The following RHCE variants were observed in gnomAD, a reference collection of about 807,000 sequenced individuals.
RHCE encodes Rh blood group CcEe antigens, also known as blood group Rh(CE) polypeptide.
RHCE carries 22 observed loss-of-function variants against 43.8 expected under a neutral mutation model. That is an observed-to-expected ratio of 0.50 (90% CI 0.36 to 0.72). RHCE has a LOEUF of 0.72. Ranked by LOEUF, RHCE falls within the 30% of genes least tolerant of loss-of-function variation. The probability of loss-of-function intolerance (pLI) is 0.00; values close to 1 mark genes in which losing one functional copy is unlikely to be tolerated. For missense variants in RHCE, 385 were observed against 525.4 expected (o/e 0.73, Z 2.61); for synonymous variants, 156 against 210.7 (o/e 0.74, Z 2.25).
rs990213743 is a variant in RHCE, at chr1:25,408,756, C to T, written c.262G>A (p.Val88Met). Residue 88 changes from valine (V) to methionine (M), a missense_variant, in exon 2 of 10, where the codon GTG becomes ATG. By Grantham distance (21) the Val-to-Met change is conservative. This residue lies in a region of RHCE where 110 missense variants were observed against 192.1 expected (regional missense o/e 0.57). Coordinates refer to ENST00000294413, the MANE Select transcript of RHCE (RefSeq NM_020485.8). ...CCGTCCAGCAGGATTGCCCACTGCA[C>T]ACCAAGCGCCAGCATGAAGAGGTTG... ...AFNLFMLALG[V>M]QWAILLDGFL... 4 of 1,282,284 alleles carry T rather than the reference C, an allele frequency of 3.1e-6. No individual in the cohort carries two copies. The African/African-American group carries it at 4.1e-5, about 13-fold the overall frequency. 79.4% of individuals were successfully genotyped at this position (1,282,284 alleles called of 1,614,324 possible). A position where few individuals can be genotyped will look rare whatever the true frequency, so the allele number is the denominator to read the frequency against.
chr1:25,408,074 G>A lies in RHCE; in HGVS notation c.335+609C>T, dbSNP rs897498463. Among the ~76,000 whole-genome samples the A allele has an allele frequency of 4.4e-4, 54 of 122,788 alleles. 6 individuals carry two copies. Among genetic ancestry groups the A allele is most frequent in the African/African-American group, 1.3e-3 (53 of 39,646 alleles). 80.6% of individuals were successfully genotyped at this position (122,788 alleles called of 152,430 possible). ...AGGCCGAGGCAGGCCGGTCACCTGAGGTCAGGAGTTTGAGACTAGCCTGAC... is the reference window on the plus strand; with the variant it reads ...AGGCCGAGGCAGGCCGGTCACCTGAAGTCAGGAGTTTGAGACTAGCCTGAC... On this transcript the variant is annotated intron_variant, in intron 2 of 9. Coordinates refer to ENST00000294413, the MANE Select transcript of RHCE (RefSeq NM_020485.8).
upstream of RHCE, among the ~76,000 whole-genome samples, chr1:25,421,642 C>G (rs604160): frequency 8.5e-5 from 13 of 152,118 alleles, no homozygotes; most frequent in Admixed American, 3.9e-4. Context: ...ATGAGCTTTA[C>G]GGGGCTTGGG....
At chr1:25,401,870 T>C (rs1021906756) in intron 3 of RHCE, among the ~76,000 whole-genome samples, 2 of 152,070 alleles carry the variant, frequency 1.3e-5, no homozygotes, top group Non-Finnish European at 1.5e-5. Flanking sequence ...ATCTTTTCTT[T>C]TCTTTTTTCT....
intron 1 of RHCE, among the ~76,000 whole-genome samples, chr1:25,411,880 T>C (rs577453681): frequency 2.6e-5 from 4 of 152,158 alleles, no homozygotes; most frequent in Non-Finnish European, 5.9e-5. Flanking sequence ...TTAAACACGA[T>C]TGTTAAAGTG....
At chr1:25,417,883 C>G (rs1252441187) in intron 1 of RHCE, among the ~76,000 whole-genome samples, 2 of 152,190 alleles carry the variant, frequency 1.3e-5, no homozygotes, top group African/African-American at 4.8e-5. Flanking sequence ...TCCCCTGTGC[C>G]CAACACCAGC....
chr1:25,389,885 G>C (rs1198750262), intron 5 of RHCE, among the ~76,000 whole-genome samples: 2 of 152,024 alleles, frequency 1.3e-5, no homozygotes, highest in African/African-American at 4.8e-5. Flanking sequence ...CCTAGGTTTA[G>C]CCTCTGAGCT....
intron 6 of RHCE, among the ~76,000 whole-genome samples, chr1:25,386,938 G>A (rs1276825245): frequency 1.3e-5 from 2 of 152,090 alleles, no homozygotes; most frequent in East Asian, 3.8e-4. Context: ...GGCTGAGGTA[G>A]GAGAATCACT....
At chr1:25,390,966 T>C (rs768116364) in intron 4 of RHCE, 51 bp from the exon 5 acceptor site, 2 of 1,612,986 alleles carry the variant, frequency 1.2e-6, no homozygotes, top group Admixed American at 3.3e-5. Flanking sequence ...GCTCCAAAGG[T>C]CTGAGCCTCG....
At chr1:25,422,189 A>G (rs956464675), upstream of RHCE, among the ~76,000 whole-genome samples, 1 of 152,194 alleles carries the variant, frequency 6.6e-6, no homozygotes, top group African/African-American at 2.4e-5. Context: ...GAAGGAAAAA[A>G]CTGAGACTAA....
At chr1:25,424,051 C>T (rs983021367), upstream of RHCE, among the ~76,000 whole-genome samples, 3 of 152,116 alleles carry the variant, frequency 2.0e-5, no homozygotes, top group African/African-American at 7.2e-5. Context: ...CCCACCACTC[C>T]GTCTTTCACT....
chr1:25,430,160 C>A (rs908568338), exon 1 of RHCE: 1 of 151,978 alleles, frequency 6.6e-6, no homozygotes, highest in Non-Finnish European at 1.5e-5. Flanking sequence ...GGACGTGGAG[C>A]CCGGGCCGCA....
intron 8 of RHCE, among the ~76,000 whole-genome samples, chr1:25,372,199 A>G (rs191141938): frequency 2.0e-5 from 3 of 151,638 alleles, no homozygotes; most frequent in Admixed American, 2.0e-4. Context: ...CAGCAGCCCA[A>G]GCGTTTTGTG....
At chr1:25,416,179 T>C (rs1156802194) in intron 1 of RHCE, among the ~76,000 whole-genome samples, 1 of 152,162 alleles carries the variant, frequency 6.6e-6, no homozygotes, top group Non-Finnish European at 1.5e-5. Context: ...AAGGGAATAT[T>C]GGTCCAATGA....
chr1:25,402,446 A>C, intron 3 of RHCE, 150 bp downstream of exon 3: 1 of 1,016,712 alleles, frequency 9.8e-7, no homozygotes, highest in Non-Finnish European at 1.5e-6. Flanking sequence ...GGCGGGTCTC[A>C]AACTCCTGGC....
chr1:25,379,510 T>A (rs1206109388), intron 7 of RHCE, among the ~76,000 whole-genome samples: 11 of 102,462 alleles, frequency 1.1e-4, no homozygotes, highest in African/African-American at 2.2e-4. Flanking sequence ...TTTTTTTTTT[T>A]TTTTTTTTTT....
chr1:25,404,782 C>T (rs990536107), intron 2 of RHCE, among the ~76,000 whole-genome samples: 25 of 151,900 alleles, frequency 1.6e-4, no homozygotes, highest in Admixed American at 6.6e-4. Context: ...CCCAATGCCT[C>T]TGGAGCCACG....
intron 7 of RHCE, among the ~76,000 whole-genome samples, chr1:25,377,862 G>A (rs1480130466): frequency 3.3e-5 from 5 of 152,162 alleles, no homozygotes; most frequent in Admixed American, 6.6e-5. Context: ...CTGAGATAGC[G>A]CCACTGCATT....
At chr1:25,381,024 C>T (rs1032784296) in intron 7 of RHCE, among the ~76,000 whole-genome samples, 36 of 151,696 alleles carry the variant, frequency 2.4e-4, no homozygotes, top group African/African-American at 8.5e-4. Context: ...GCCTCAGCCT[C>T]CCATGTAGCT....
At chr1:25,399,669 C>T (rs1646669145) in intron 3 of RHCE, among the ~76,000 whole-genome samples, 1 of 152,118 alleles carries the variant, frequency 6.6e-6, no homozygotes, top group African/African-American at 2.4e-5. Flanking sequence ...TCGGTAGATA[C>T]CACCTACCGA....
Sources: allele counts gnomAD v4.1 joint callset (sites outside exome capture counted in the v4.1 genomes callset), GRCh38; gene constraint gnomAD v4.1.1; regional missense constraint gnomAD v4.1.1; transcripts MANE v1.5; gene names NCBI Gene and HGNC (gene_info 2026-07-23, HGNC 2026-07-21).